The following WWOX variants were observed in gnomAD, a reference collection of about 807,000 sequenced individuals.
WWOX encodes the protein WW domain-containing oxidoreductase.
Under a neutral mutation model 46.2 loss-of-function variants are expected in WWOX, and 69 were observed. That is an observed-to-expected ratio of 1.49 (90% CI 1.23 to 1.82). The LOEUF (loss-of-function observed/expected upper bound fraction) is 1.82. WWOX is among the 40% of genes most tolerant of loss of function. The pLI, the probability that WWOX is intolerant of heterozygous loss-of-function variation, is 0.00. For missense variants in WWOX, 919 were observed against 542.6 expected (o/e 1.69, Z -6.89); for synonymous variants, 359 against 202.6 (o/e 1.77, Z -6.56).
At chr16:78,933,023 G>C (rs2151283606) in intron 8 of WWOX, among the ~76,000 whole-genome samples, 1 of 152,326 alleles carries the variant, frequency 6.6e-6, no homozygotes, top group East Asian at 1.9e-4. Context: ...CCCAGACTCT[G>C]AGTTAAGAGT....
intron 5 of WWOX, among the ~76,000 whole-genome samples, chr16:78,329,699 A>G (rs1229172482): frequency 6.6e-6 from 1 of 151,314 alleles, no homozygotes; most frequent in African/African-American, 2.4e-5. Flanking sequence ...CAACATATAC[A>G]TGGGGAGGTC....
intron 8 of WWOX, among the ~76,000 whole-genome samples, chr16:78,934,520 AAAAAAAAAAAAG>A (rs1281894734): frequency 6.7e-6 from 1 of 150,126 alleles, no homozygotes; most frequent in Admixed American, 6.6e-5. Context: ...AAAAAAAAAA[AAAAAAAAAAAAG>A]AAACACAACT....
At chr16:78,564,783 T>C (rs1373612190) in intron 8 of WWOX, among the ~76,000 whole-genome samples, 1 of 152,192 alleles carries the variant, frequency 6.6e-6, no homozygotes, top group Non-Finnish European at 1.5e-5. Context: ...GTTTAAAAAT[T>C]TTAACTTAAA....
intron 8 of WWOX, among the ~76,000 whole-genome samples, chr16:78,703,204 G>C (rs976295864): frequency 6.7e-6 from 1 of 149,986 alleles, no homozygotes; most frequent in Non-Finnish European, 1.5e-5. Context: ...TTCCTGACAA[G>C]AGTCTGTCTC....
chr16:78,796,748 C>T (rs547968070), intron 8 of WWOX, among the ~76,000 whole-genome samples: 15 of 152,150 alleles, frequency 9.9e-5, no homozygotes, highest in African/African-American at 2.9e-4. Context: ...CAGTTCCCAA[C>T]GGCCATCCAG....
At chr16:78,903,126 A>C (rs533472834) in intron 8 of WWOX, among the ~76,000 whole-genome samples, 1 of 152,320 alleles carries the variant, frequency 6.6e-6, no homozygotes, top group South Asian at 2.1e-4. Context: ...CCAAGCAGCC[A>C]CTCAGGGGCC....
At chr16:78,394,399 A>G (rs973452619) in intron 6 of WWOX, among the ~76,000 whole-genome samples, 11 of 151,810 alleles carry the variant, frequency 7.2e-5, no homozygotes, top group Non-Finnish European at 1.5e-5. Flanking sequence ...TATCCCATAC[A>G]TTTTCCATCC....
chr16:79,188,475 CCAGTAGGAG>C (rs2051063993), intron 8 of WWOX, among the ~76,000 whole-genome samples: 2 of 152,176 alleles, frequency 1.3e-5, no homozygotes, highest in South Asian at 4.1e-4. Context: ...AATGTCAGGA[CCAGTAGGAG>C]GTTCAGCACG....
intron 8 of WWOX, among the ~76,000 whole-genome samples, chr16:78,605,292 C>G (rs1484825462): frequency 6.6e-6 from 1 of 151,722 alleles, no homozygotes; most frequent in Non-Finnish European, 1.5e-5. Flanking sequence ...CCTCTGTCTC[C>G]CTCATGGTGT....
intron 8 of WWOX, among the ~76,000 whole-genome samples, chr16:78,941,939 C>T (rs555182841): frequency 3.4e-4 from 52 of 152,128 alleles, no homozygotes; most frequent in African/African-American, 1.1e-3. Context: ...TTACTGTAAA[C>T]ATTGTGCTGT....
chr16:78,435,576 C>T (rs1397692049), intron 8 of WWOX, among the ~76,000 whole-genome samples: 2 of 152,162 alleles, frequency 1.3e-5, no homozygotes, highest in Admixed American at 6.5e-5. Flanking sequence ...GCAAAAATCC[C>T]AGGTTTTGTT....
chr16:78,363,127 TCA>T (rs1281236587), intron 5 of WWOX, among the ~76,000 whole-genome samples: 9 of 152,102 alleles, frequency 5.9e-5, no homozygotes, highest in African/African-American at 2.2e-4. Flanking sequence ...CGTCCAGTGG[TCA>T]CTGTGTGTGT....
chr16:78,676,057 A>C (rs946939531), intron 8 of WWOX, among the ~76,000 whole-genome samples: 7 of 152,016 alleles, frequency 4.6e-5, no homozygotes, highest in Non-Finnish European at 1.5e-5. Context: ...TTGTTTAAGA[A>C]TCTCAGAGTA....
chr16:79,110,514 G>C (rs1292287087), intron 8 of WWOX, among the ~76,000 whole-genome samples: 1 of 152,128 alleles, frequency 6.6e-6, no homozygotes, highest in Non-Finnish European at 1.5e-5. Context: ...ACCCAATTCT[G>C]ACTAGTAAAG....
chr16:78,566,754 G>C (rs1188285343), intron 8 of WWOX, among the ~76,000 whole-genome samples: 1 of 152,172 alleles, frequency 6.6e-6, no homozygotes, highest in East Asian at 1.9e-4. Context: ...ATTCCTGCCA[G>C]AAAGGTGGAG....
intron 8 of WWOX, among the ~76,000 whole-genome samples, chr16:78,964,822 C>T (rs1428226762): frequency 6.6e-6 from 1 of 152,180 alleles, no homozygotes; most frequent in East Asian, 1.9e-4. Context: ...CTGTGTGTAG[C>T]CTAGGGACTT....
chr16:78,903,871 G>A (rs2044891109), intron 8 of WWOX, among the ~76,000 whole-genome samples: 1 of 152,140 alleles, frequency 6.6e-6, no homozygotes, highest in Admixed American at 6.5e-5. Context: ...TCTGTGGCAG[G>A]GGACTGTTGT....
chr16:78,448,840 T>G (rs1424989896), intron 8 of WWOX, among the ~76,000 whole-genome samples: 1 of 152,144 alleles, frequency 6.6e-6, no homozygotes, highest in Non-Finnish European at 1.5e-5. Flanking sequence ...GTCATGGTGA[T>G]TGTCAACTGT....
intron 5 of WWOX, among the ~76,000 whole-genome samples, chr16:78,203,996 C>A (rs1013995504): frequency 6.6e-6 from 1 of 152,150 alleles, no homozygotes; most frequent in Non-Finnish European, 1.5e-5. Context: ...CTATAGTCTG[C>A]TTGGACATGG....
Sources: allele counts gnomAD v4.1 joint callset (sites outside exome capture counted in the v4.1 genomes callset), GRCh38; gene constraint gnomAD v4.1.1; transcripts MANE v1.5; gene names NCBI Gene and HGNC (gene_info 2026-07-23, HGNC 2026-07-21).